CAST: variants seen among roughly 807,000 people sequenced by gnomAD.
CAST encodes MIR583 host.
In CAST, 76 loss-of-function variants were observed where a neutral mutation model predicts 119.6. The ratio of observed to expected loss-of-function variants is 0.64; its 90% confidence interval spans 0.53 to 0.77. CAST has a LOEUF of 0.77. CAST is among the 30% of genes least tolerant of loss of function. The pLI, the probability that CAST is intolerant of heterozygous loss-of-function variation, is 0.00. For synonymous variants in CAST, 319 were observed against 331.6 expected (o/e 0.96, Z 0.41); for missense variants, 953 against 946.5 (o/e 1.01, Z -0.09).
chr5:96,260,594 G>A, the CAST span, among the ~76,000 whole-genome samples: 2 of 152,172 alleles, frequency 1.3e-5, no homozygotes, highest in Non-Finnish European at 2.9e-5. Context: ...TTATGGACTT[G>A]TACAGTGCAC....
the CAST span, among the ~76,000 whole-genome samples, chr5:96,204,731 G>T: frequency 6.6e-6 from 1 of 151,724 alleles, no homozygotes; most frequent in East Asian, 1.9e-4. Flanking sequence ...AAGTCCCCCT[G>T]CCCCTGCCCC....
intron 10 of CAST, among the ~76,000 whole-genome samples, chr5:96,737,537 T>G (rs938477358): frequency 2.6e-5 from 4 of 152,232 alleles, no homozygotes; most frequent in African/African-American, 9.6e-5. Flanking sequence ...TTTTCCTTTT[T>G]TAACTGTCAG....
At chr5:96,058,155 C>G in the CAST span, among the ~76,000 whole-genome samples, 1 of 152,060 alleles carries the variant, frequency 6.6e-6, no homozygotes, top group Non-Finnish European at 1.5e-5. Context: ...ATCACTGATT[C>G]TCTACTGATG....
chr5:95,965,787 A>G, the CAST span, among the ~76,000 whole-genome samples: 1 of 152,378 alleles, frequency 6.6e-6, no homozygotes, highest in South Asian at 2.1e-4. Context: ...AAAGTACTTC[A>G]GCAGATATTC....
the CAST span, among the ~76,000 whole-genome samples, chr5:96,271,093 T>C: frequency 6.6e-6 from 1 of 152,052 alleles, no homozygotes; most frequent in South Asian, 2.1e-4. Flanking sequence ...GAAAGATCTA[T>C]ATAAGGAAAA....
At chr5:96,626,697 C>T (rs999876294) in intron 1 of CAST, among the ~76,000 whole-genome samples, 1 of 152,174 alleles carries the variant, frequency 6.6e-6, no homozygotes, top group African/African-American at 2.4e-5. Flanking sequence ...TACCATGTTA[C>T]CATTTAATTT....
intron 1 of CAST, among the ~76,000 whole-genome samples, chr5:96,592,409 G>T (rs938097146): frequency 5.9e-5 from 9 of 151,972 alleles, no homozygotes; most frequent in African/African-American, 1.7e-4. Context: ...TCAAAAAAAG[G>T]GGGGGAAAAC....
the CAST span, among the ~76,000 whole-genome samples, chr5:96,442,213 C>T: frequency 4.6e-5 from 7 of 152,312 alleles, no homozygotes; most frequent in African/African-American, 1.7e-4. Flanking sequence ...CCTCTCTACC[C>T]CTTACCAGCA....
At position 96,742,745 on chromosome 5, in the gene CAST, G is replaced by A. The variant is rs1762964321; in HGVS notation, c.1189G>A (p.Glu397Lys). 1.2e-6 allele frequency: 2 copies of A among 1,612,768 alleles called. No individual in the cohort carries two copies. Among genetic ancestry groups the A allele is most frequent in the East Asian group, 2.2e-5 (1 of 44,882 alleles). ...EPELDLRSIK[E>K]VDEAKAKEEK... ...TGAGCTCGACCTCCGCTCAATTAAGGAAGTCGATGAGGTACTGACCTTAGA... is the reference window on the plus strand; with the variant it reads ...TGAGCTCGACCTCCGCTCAATTAAGAAAGTCGATGAGGTACTGACCTTAGA... The change falls in exon 16 of 32, where the codon GAA becomes AAA. Residue 397 changes from glutamate (E) to lysine (K), a missense_variant. Physicochemically the swap from Glu to Lys is moderately conservative, Grantham distance 56. Transcript: ENST00000675179.
chr5:96,587,502 A>G (rs914577814), intron 1 of CAST, among the ~76,000 whole-genome samples: 1 of 152,210 alleles, frequency 6.6e-6, no homozygotes, highest in Admixed American at 6.5e-5. Flanking sequence ...TATTTTGAAT[A>G]TCATCTTTGT....
At chr5:96,675,731 A>C in intron 2 of CAST, 130 bp downstream of exon 2, 1 of 656,780 alleles carries the variant, frequency 1.5e-6, no homozygotes, top group Non-Finnish European at 2.6e-6. Context: ...GATTTAACCA[A>C]GATTTGGTTC....
chr5:96,656,056 A>G (rs1184237460), intron 1 of CAST, among the ~76,000 whole-genome samples: 3 of 152,242 alleles, frequency 2.0e-5, no homozygotes, highest in Non-Finnish European at 4.4e-5. Flanking sequence ...TGAATAAAAC[A>G]TAGTTCACAT....
the CAST span, among the ~76,000 whole-genome samples, chr5:96,220,414 T>C: frequency 6.6e-6 from 1 of 152,208 alleles, no homozygotes; most frequent in Non-Finnish European, 1.5e-5. Flanking sequence ...AATGTTAACA[T>C]GACCATGGTA....
At chr5:96,322,021 A>C in the CAST span, among the ~76,000 whole-genome samples, 39 of 152,330 alleles carry the variant, frequency 2.6e-4, no homozygotes, top group African/African-American at 9.4e-4. Flanking sequence ...TTAATCACAA[A>C]CTACAATCCT....
intron 1 of CAST, among the ~76,000 whole-genome samples, chr5:96,548,353 A>G (rs1267523463): frequency 6.6e-6 from 1 of 152,202 alleles, no homozygotes; most frequent in Non-Finnish European, 1.5e-5. Context: ...TTTTTGACAA[A>G]CATAGCTACA....
the CAST span, among the ~76,000 whole-genome samples, chr5:96,207,495 A>G: frequency 2.0e-5 from 3 of 151,940 alleles, no homozygotes; most frequent in African/African-American, 7.2e-5. Flanking sequence ...GGTTTGTTGC[A>G]AGTTTTTAAC....
the CAST span, among the ~76,000 whole-genome samples, chr5:96,348,881 C>T: frequency 6.6e-6 from 1 of 152,144 alleles, no homozygotes; most frequent in South Asian, 2.1e-4. Context: ...AGGGCTGTAA[C>T]GGAAGTGGTG....
chr5:96,538,631 C>A (rs1418860868), intron 1 of CAST, among the ~76,000 whole-genome samples: 1 of 151,684 alleles, frequency 6.6e-6, no homozygotes. Flanking sequence ...AAAAATGGTC[C>A]TGGACTAACC....
At chr5:96,746,490 G>C in intron 17 of CAST, 65 bp downstream of exon 17, 1 of 926,988 alleles carries the variant, frequency 1.1e-6, no homozygotes, top group Admixed American at 1.7e-5. Flanking sequence ...TGTTGTATCT[G>C]TACCCTTGAC....
Sources: allele counts gnomAD v4.1 joint callset (sites outside exome capture counted in the v4.1 genomes callset), GRCh38; gene constraint gnomAD v4.1.1; transcripts MANE v1.5; gene names NCBI Gene and HGNC (gene_info 2026-07-23, HGNC 2026-07-21).